NRG3: variants seen among roughly 807,000 people sequenced by gnomAD.
NRG3 encodes the protein neuregulin 3.
A neutral mutation model predicts 66.9 loss-of-function variants in NRG3; 31 were observed. The observed-to-expected ratio is 0.46, with a 90% CI of 0.35 to 0.63. The LOEUF (loss-of-function observed/expected upper bound fraction) is 0.63, where lower values mean the gene tolerates loss of function less well. NRG3 is among the 20% of genes least tolerant of loss of function. NRG3 has a pLI of 0.00. For missense variants in NRG3, 910 were observed against 878.9 expected, an observed-to-expected ratio of 1.04 and a Z score of -0.45; for synonymous variants, 393 against 359.4, an observed-to-expected ratio of 1.09 and a Z score of -1.06.
At chr10:82,522,690 A>T (rs933738268) in intron 2 of NRG3, among the ~76,000 whole-genome samples, 4 of 151,628 alleles carry the variant, frequency 2.6e-5, no homozygotes, top group Non-Finnish European at 5.9e-5. Flanking sequence ...GAAAAGAGGT[A>T]TGCCTGTTTA....
At chr10:82,803,551 GT>G (rs1365219894) in intron 3 of NRG3, among the ~76,000 whole-genome samples, 2 of 151,788 alleles carry the variant, frequency 1.3e-5, no homozygotes, top group African/African-American at 2.4e-5. Context: ...ACCTTAAAGA[GT>G]TTCTTTTTCT....
intron 2 of NRG3, among the ~76,000 whole-genome samples, chr10:82,364,288 T>G (rs2084378514): frequency 6.6e-6 from 1 of 152,186 alleles, no homozygotes; most frequent in African/African-American, 2.4e-5. Flanking sequence ...CTTTTATTAA[T>G]AATTCATTGA....
At chr10:82,653,650 T>TTA (rs2051608158) in intron 2 of NRG3, among the ~76,000 whole-genome samples, 1 of 148,760 alleles carries the variant, frequency 6.7e-6, no homozygotes, top group Non-Finnish European at 1.5e-5. Context: ...GGTTTTTTTT[T>TTA]AAAAAAAAAA....
At position 82,044,995 on chromosome 10, in the gene NRG3, T is replaced by C. The variant is rs1589889159; in HGVS notation, c.823+168832T>C. ...TGGACATTTGGGTTGGTTCCAAGTC[T>C]TTGCTATTGTGAATAGTGCCTCAAT... On this transcript the variant is annotated intron_variant, in intron 1 of 8. Transcript: ENST00000372141. Among the ~76,000 whole-genome samples, 3 of 151,748 alleles carry C rather than the reference T, an allele frequency of 2.0e-5. No homozygotes were observed. In the East Asian group the frequency reaches 5.8e-4, roughly 29 times the overall value.
In NRG3 at chr10:82,094,064, C is replaced by T. The variant is rs372213466; in HGVS notation, c.823+217901C>T. Among the ~76,000 whole-genome samples, 7 of 152,208 alleles carry T rather than the reference C, an allele frequency of 4.6e-5. No individual in the cohort carries two copies. In the East Asian group the frequency reaches 9.6e-4, roughly 21 times the overall value. On this transcript the variant is annotated intron_variant, in intron 1 of 8. Transcript: ENST00000372141. ...CACAAATGTAAGGTATTATTATACT[C>T]ACATTTATTGACAATGAAACCTTTT...
intron 1 of NRG3, among the ~76,000 whole-genome samples, chr10:82,221,413 C>T (rs540674111): frequency 3.3e-4 from 50 of 152,262 alleles, no homozygotes; most frequent in African/African-American, 1.1e-3. Flanking sequence ...CTTCCAGCCC[C>T]CCTCCATAAT....
chr10:81,884,724 G>A (rs899575776), intron 1 of NRG3, among the ~76,000 whole-genome samples: 1 of 152,134 alleles, frequency 6.6e-6, no homozygotes, highest in Non-Finnish European at 1.5e-5. Context: ...CTAGGATTTT[G>A]ATATCCTGGG....
intron 2 of NRG3, among the ~76,000 whole-genome samples, chr10:82,521,465 C>T (rs1382348726): frequency 1.3e-5 from 2 of 152,006 alleles, no homozygotes. Context: ...CTCAGTCTCC[C>T]GAGTAGCTGG....
chr10:82,654,506 A>G (rs897925169), intron 2 of NRG3, among the ~76,000 whole-genome samples: 3 of 152,240 alleles, frequency 2.0e-5, no homozygotes, highest in Non-Finnish European at 2.9e-5. Flanking sequence ...TGCTTAATGT[A>G]TAAAGCAAAA....
At chr10:82,083,440 A>G (rs1050802515) in intron 1 of NRG3, among the ~76,000 whole-genome samples, 4 of 152,114 alleles carry the variant, frequency 2.6e-5, no homozygotes, top group Non-Finnish European at 5.9e-5. Context: ...CAGATGGCTC[A>G]TACCTGGGGA....
intron 2 of NRG3, among the ~76,000 whole-genome samples, chr10:82,430,522 T>C (rs1590101091): frequency 6.6e-6 from 1 of 152,090 alleles, no homozygotes; most frequent in Non-Finnish European, 1.5e-5. Context: ...CACCCAAAGT[T>C]CTGGGATTAC....
intron 1 of NRG3, among the ~76,000 whole-genome samples, chr10:82,135,594 C>T (rs2069280208): frequency 6.6e-6 from 1 of 152,046 alleles, no homozygotes; most frequent in African/African-American, 2.4e-5. Context: ...ATTCTGTCAT[C>T]TGCTTGCCCT....
intron 1 of NRG3, among the ~76,000 whole-genome samples, chr10:82,275,523 C>A (rs1329828172): frequency 2.0e-5 from 3 of 152,002 alleles, no homozygotes; most frequent in Admixed American, 2.0e-4. Context: ...ATCCTCAGGG[C>A]TGGATTAATG....
chr10:82,784,855 G>A (rs1044253197), intron 3 of NRG3, among the ~76,000 whole-genome samples: 2 of 152,154 alleles, frequency 1.3e-5, no homozygotes, highest in African/African-American at 2.4e-5. Context: ...CCATTACTGG[G>A]TATATACCCA....
chr10:82,923,412 T>C (rs982354908), intron 4 of NRG3, among the ~76,000 whole-genome samples: 2 of 152,198 alleles, frequency 1.3e-5, no homozygotes, highest in African/African-American at 2.4e-5. Flanking sequence ...GATTATGTAC[T>C]TATTATAGGT....
Position 81,897,281 on chromosome 10 carries a change from C to T in NRG3, c.823+21118C>T, listed in dbSNP as rs974996185. Among the ~76,000 whole-genome samples, 27 of 152,076 alleles carry T rather than the reference C, an allele frequency of 1.8e-4. 1 individual carries two copies. Among genetic ancestry groups the T allele is most frequent in the Admixed American group, 7.2e-4 (11 of 15,274 alleles). ...TTGATTTTGTTGTAATGGAAAACCA[C>T]AGGGACCTAGGTAGGGGAAGGTGTT... On this transcript the variant is annotated intron_variant, in intron 1 of 8. Coordinates refer to ENST00000372141, the MANE Select transcript of NRG3 (RefSeq NM_001010848.4).
At chr10:82,395,990 ATTTC>A (rs2086689871) in intron 2 of NRG3, among the ~76,000 whole-genome samples, 1 of 152,308 alleles carries the variant, frequency 6.6e-6, no homozygotes, top group South Asian at 2.1e-4. Context: ...TAAGTATTTT[ATTTC>A]TTTATTAAAA....
chr10:81,925,215 G>A (rs551333760), intron 1 of NRG3, among the ~76,000 whole-genome samples: 107 of 152,358 alleles, frequency 7.0e-4, no homozygotes, highest in Non-Finnish European at 1.2e-3. Context: ...CAAGCATGCA[G>A]CCATGGGCAG....
chr10:82,563,322 T>C (rs969781912), intron 2 of NRG3, among the ~76,000 whole-genome samples: 7 of 152,120 alleles, frequency 4.6e-5, no homozygotes. Flanking sequence ...TGACATATTT[T>C]CCCCTCAGGG....
Sources: allele counts gnomAD v4.1 joint callset (sites outside exome capture counted in the v4.1 genomes callset), GRCh38; gene constraint gnomAD v4.1.1; transcripts MANE v1.5; gene names NCBI Gene and HGNC (gene_info 2026-07-23, HGNC 2026-07-21).